The following ROR1 variants were observed in gnomAD, a reference collection of about 807,000 sequenced individuals.
ROR1 encodes inactive tyrosine-protein kinase transmembrane receptor ROR1.
In ROR1, 19 loss-of-function variants were observed where a neutral mutation model predicts 78.8. The observed-to-expected ratio is 0.24, with a 90% CI of 0.17 to 0.35. The LOEUF (loss-of-function observed/expected upper bound fraction) is 0.35, where lower values mean the gene tolerates loss of function less well. Among genes scored for constraint, ROR1 ranks in the 10% least tolerant of loss-of-function variants. The probability of loss-of-function intolerance (pLI) is 1.00; values close to 1 mark genes in which losing one functional copy is unlikely to be tolerated. For missense variants in ROR1, 917 were observed against 1,177.8 expected, an observed-to-expected ratio of 0.78 and a Z score of 3.24; for synonymous variants, 386 against 433.6, an observed-to-expected ratio of 0.89 and a Z score of 1.36.
At position 64,090,888 on chromosome 1, in the gene ROR1, A is replaced by G. The variant is rs370016975; in HGVS notation, c.482+40172A>G. 1.8e-3 allele frequency among the ~76,000 whole-genome samples: 277 copies of G among 152,270 alleles called. 1 individual carries two copies. The highest frequency in any genetic ancestry group is 6.5e-3 in the African/African-American group (271 of 41,572). Reference sequence around the variant, plus strand: ...CTCAGTTCTGTCTAGAGGCCCTAACATTCCACTTCCCACACTCAGCATGGG... The same window carrying G: ...CTCAGTTCTGTCTAGAGGCCCTAACGTTCCACTTCCCACACTCAGCATGGG... On this transcript the variant is annotated intron_variant, in intron 4 of 8. Coordinates refer to ENST00000371079, the MANE Select transcript of ROR1 (RefSeq NM_005012.4).
intron 1 of ROR1, among the ~76,000 whole-genome samples, chr1:63,785,901 C>T (rs1463580741): frequency 6.6e-6 from 1 of 152,220 alleles, no homozygotes; most frequent in Non-Finnish European, 1.5e-5. Context: ...CGGCTCATAG[C>T]GCTTTGCCCA....
At chr1:63,813,572 G>C (rs1454435261) in intron 1 of ROR1, among the ~76,000 whole-genome samples, 1 of 152,198 alleles carries the variant, frequency 6.6e-6, no homozygotes, top group South Asian at 2.1e-4. Context: ...CACAGGGCTG[G>C]AACTGAGTAG....
At chr1:64,138,005 T>C (rs1301317233) in intron 5 of ROR1, among the ~76,000 whole-genome samples, 1 of 152,258 alleles carries the variant, frequency 6.6e-6, no homozygotes, top group Non-Finnish European at 1.5e-5. Context: ...AGATGACCAT[T>C]GGTCTCTTCT....
At chr1:64,007,226 C>T (rs1646435164) in intron 1 of ROR1, among the ~76,000 whole-genome samples, 1 of 152,118 alleles carries the variant, frequency 6.6e-6, no homozygotes, top group Non-Finnish European at 1.5e-5. Flanking sequence ...ACGACAGATC[C>T]CAGGCTTAAC....
chr1:64,132,319 G>A (rs1214671160), intron 4 of ROR1, among the ~76,000 whole-genome samples: 2 of 152,094 alleles, frequency 1.3e-5, no homozygotes, highest in African/African-American at 4.8e-5. Context: ...GAACACCTGA[G>A]TTGTTCCCAC....
chr1:64,115,053 C>A (rs915682726), intron 4 of ROR1, among the ~76,000 whole-genome samples: 1 of 152,170 alleles, frequency 6.6e-6, no homozygotes, highest in African/African-American at 2.4e-5. Flanking sequence ...CAGCGTCTAC[C>A]TCTTGGACTC....
chr1:64,006,737 G>T, intron 1 of ROR1, among the ~76,000 whole-genome samples: 1 of 152,196 alleles, frequency 6.6e-6, no homozygotes, highest in East Asian at 1.9e-4. Context: ...GGCCACTGTA[G>T]GTGGGGAGGG....
chr1:63,879,510 G>A (rs1438501533), intron 1 of ROR1, among the ~76,000 whole-genome samples: 1 of 151,232 alleles, frequency 6.6e-6, no homozygotes, highest in Non-Finnish European at 1.5e-5. Flanking sequence ...GCATTTTCCT[G>A]TGTGTATTCT....
At chr1:63,936,382 C>T (rs1383878209) in intron 1 of ROR1, among the ~76,000 whole-genome samples, 1 of 152,174 alleles carries the variant, frequency 6.6e-6, no homozygotes, top group Non-Finnish European at 1.5e-5. Context: ...TCCCACAGAA[C>T]AGTCATTGTG....
chr1:63,885,757 G>A (rs372860361), intron 1 of ROR1, among the ~76,000 whole-genome samples: 2 of 152,182 alleles, frequency 1.3e-5, no homozygotes, highest in South Asian at 2.1e-4. Context: ...CAATGCAACC[G>A]AGCAGATTGA....
intron 1 of ROR1, among the ~76,000 whole-genome samples, chr1:63,995,151 AG>A (rs1646327159): frequency 6.6e-6 from 1 of 152,234 alleles, no homozygotes; most frequent in Non-Finnish European, 1.5e-5. Context: ...CAGATGTAAA[AG>A]CCAGAACAGT....
At position 64,023,541 on chromosome 1, in the gene ROR1, CA is replaced by C. The variant is rs1324198639; in HGVS notation, c.163+14169del. On this transcript the variant is annotated intron_variant, in intron 2 of 8. Transcript: ENST00000371079. ...TAATTTTCTTCCTTTAAAAACAAAA[CA>C]AAACAAAACAAAAAACTAGCTCTTG... 5.3e-5 allele frequency among the ~76,000 whole-genome samples: 8 copies of C among 152,094 alleles called. No homozygotes were observed. In the South Asian group the frequency reaches 1.7e-3, roughly 32 times the overall value.
At chr1:63,874,642 G>A (rs57993243) in intron 1 of ROR1, among the ~76,000 whole-genome samples, 8,494 of 152,130 alleles carry the variant, frequency 0.056, 594 homozygotes, top group African/African-American at 0.15. Flanking sequence ...ACACCTACAG[G>A]CCACTCAGTA....
chr1:63,792,713 A>G lies in ROR1; in HGVS notation c.91+18205A>G, dbSNP rs187181272. ...ATATCACTTTATTCTTCTTCTTATTACGCCAATTCTCATTCCTTGCCTCTT... is the reference window on the plus strand; with the variant it reads ...ATATCACTTTATTCTTCTTCTTATTGCGCCAATTCTCATTCCTTGCCTCTT... On this transcript the variant is annotated intron_variant, in intron 1 of 8. Transcript: ENST00000371079. 1.4e-4 allele frequency among the ~76,000 whole-genome samples: 22 copies of G among 152,378 alleles called. No homozygotes were observed. In the East Asian group the frequency reaches 4.2e-3, roughly 29 times the overall value.
intron 1 of ROR1, among the ~76,000 whole-genome samples, chr1:63,796,661 G>A (rs915266779): frequency 1.3e-5 from 2 of 152,192 alleles, no homozygotes; most frequent in Non-Finnish European, 2.9e-5. Context: ...GGCAGAAACA[G>A]GCACAAGCAG....
chr1:64,138,577 G>T (rs1436239021), intron 5 of ROR1, among the ~76,000 whole-genome samples: 6 of 147,918 alleles, frequency 4.1e-5, no homozygotes, highest in African/African-American at 1.5e-4. Flanking sequence ...ATGGAGTCTC[G>T]CTCTGTCACC....
chr1:63,915,671 G>C (rs746565843), intron 1 of ROR1, among the ~76,000 whole-genome samples: 16 of 152,110 alleles, frequency 1.1e-4, no homozygotes, highest in Non-Finnish European at 1.6e-4. Context: ...TTTAGGGATA[G>C]CTATGCTTAT....
At chr1:64,059,044 G>T (rs1334254863) in intron 4 of ROR1, among the ~76,000 whole-genome samples, 1 of 152,024 alleles carries the variant, frequency 6.6e-6, no homozygotes, top group Non-Finnish European at 1.5e-5. Flanking sequence ...TCTTGAGTCA[G>T]TTTTGGTAGT....
chr1:63,916,566 G>A (rs143737602), intron 1 of ROR1, among the ~76,000 whole-genome samples: 1 of 152,230 alleles, frequency 6.6e-6, no homozygotes, highest in East Asian at 1.9e-4. Context: ...ATAAAATAGA[G>A]TTTTGAACAT....
Sources: gnomAD v4.1 joint callset for allele counts (sites outside exome capture counted in the v4.1 genomes callset) on GRCh38, gnomAD v4.1.1 for gene constraint, MANE v1.5 for transcripts, NCBI Gene and HGNC (gene_info 2026-07-23, HGNC 2026-07-21) for gene names.